The following VWA7 variants were observed in gnomAD, a reference collection of about 807,000 sequenced individuals.
The protein encoded by VWA7 is von Willebrand factor A domain-containing protein 7.
Under a neutral mutation model 83.1 loss-of-function variants are expected in VWA7, and 66 were observed. The ratio of observed to expected loss-of-function variants is 0.79; its 90% CI spans 0.65 to 0.98. The LOEUF (loss-of-function observed/expected upper bound fraction) is 0.98, where lower values mean the gene tolerates loss of function less well. Ranked by LOEUF, VWA7 falls within the 50% of genes least tolerant of loss-of-function variation. The probability of loss-of-function intolerance (pLI) is 0.00; values close to 1 mark genes in which losing one functional copy is unlikely to be tolerated. For missense variants in VWA7, 1,080 were observed against 1,160.2 expected, an observed-to-expected ratio of 0.93 and a Z score of 1.00; for synonymous variants, 424 against 488.5, an observed-to-expected ratio of 0.87 and a Z score of 1.74.
rs770242653 is a variant in VWA7 at position 31,765,959 on chromosome 6, G to C, written c.2423C>G (p.Ala808Gly). 5 of 1,613,112 alleles carry C rather than the reference G, an allele frequency of 3.1e-6. No individual in the cohort carries two copies. Among genetic ancestry groups the C allele is most frequent in the Non-Finnish European group, 3.4e-6 (4 of 1,180,036 alleles). Residue 808 changes from alanine to glycine, a missense_variant, in exon 16 of 17, where the codon GCA becomes GGA. Ala to Gly is a moderately conservative substitution (Grantham distance 60). Transcript: ENST00000375688. The part of the protein sequence containing the change: ...PDSVVMVTVT[A>G]GGREANPVPP... ...TACTGGGTTGGCTTCTCGTCCCCCT[G>C]CAGTCACAGTCACCATCACCACGGA...
chr6:31,767,484 C>A lies in VWA7; in HGVS notation c.1667G>T (p.Gly556Val). The stretch of plus-strand genomic sequence containing the variant: ...AAAGCGGCGAGTGTGACCTAGAGGA[C>A]CCCCGCCTTCCTCCTGGCCCTGGGA... The part of the protein sequence containing the change: ...GVSQGQEEGG[G>V]PLGHTRRFGQ... Residue 556 changes from glycine (G) to valine (V), a missense_variant, in exon 12 of 17, where the codon GGT becomes GTT. Gly to Val is a moderately radical substitution (Grantham distance 109). Transcript: ENST00000375688. 2 of 1,611,542 alleles carry A rather than the reference C, an allele frequency of 1.2e-6. No homozygotes were observed. The highest frequency in any genetic ancestry group is 8.5e-7 in the Non-Finnish European group (1 of 1,178,584).
In VWA7 at chr6:31,768,139, CAAAAAA is replaced by C. The variant is rs9279412; in HGVS notation, c.1504-391_1504-386del. Among the ~76,000 whole-genome samples, 14 of 77,100 alleles carry C rather than the reference CAAAAAA, an allele frequency of 1.8e-4. No homozygotes were observed. In the East Asian group the frequency reaches 5.3e-3, roughly 29 times the overall value. The allele number at this position is 77,100 out of a possible 152,430, so 50.6% of individuals were successfully genotyped here. On this transcript the variant is annotated intron_variant, in intron 10 of 16. Coordinates refer to ENST00000375688, the MANE Select transcript of VWA7 (RefSeq NM_025258.3). ...TGGGCGACAGTGCAAGACTCTGTCTCAAAAAAAAAAAAAAAAAAAAAAAGAAAGAAA... is the reference window on the plus strand; with the variant it reads ...TGGGCGACAGTGCAAGACTCTGTCTCAAAAAAAAAAAAAAAAAGAAAGAAA...
Position 31,765,948 on chromosome 6 carries a change from C to A in VWA7, c.2434G>T (p.Glu812Ter), listed in dbSNP as rs757923474. ...VMVTVTAGGR[E>*]ANPVPPTHAF... ...TGAGTCGGGGGTACTGGGTTGGCTT[C>A]TCGTCCCCCTGCAGTCACAGTCACC... Residue 812 changes from glutamate to a stop codon, truncating the protein, a stop_gained, in exon 16 of 17, where the codon GAA (glutamate) becomes TAA (stop). Transcript: ENST00000375688. LOFTEE classifies it high-confidence loss of function. The A allele has an allele frequency of 6.2e-7, 1 of 1,613,100 alleles. No homozygotes were observed. Among genetic ancestry groups the A allele is most frequent in the Admixed American group, 1.7e-5 (1 of 60,022 alleles).
At chr6:31,768,933 G>C (rs1811895261) in intron 10 of VWA7, 85 bp downstream of exon 10, 3 of 1,383,996 alleles carry the variant, frequency 2.2e-6, no homozygotes, top group Non-Finnish European at 2.9e-6. Context: ...ACAGCAGTGA[G>C]AGTGATTCCC....
chr6:31,770,042 C>A lies in VWA7; in HGVS notation c.1159G>T (p.Gly387Trp), dbSNP rs139629177. The change falls in exon 8 of 17, where the codon GGG becomes TGG. Residue 387 changes from glycine (G) to tryptophan (W), a missense_variant. Transcript: ENST00000375688. ...CACATCTCAGGCTCGTCTCCACCCC[C>A]CAAGGCATGGATCTCATTAAGCTGT... ...WQQLNEIHALGGGDEPEMCLS... is the reference protein window; with the variant it reads ...WQQLNEIHALWGGDEPEMCLS... 1.5e-4 allele frequency: 238 copies of A among 1,612,880 alleles called. 1 individual carries two copies. The highest frequency in any genetic ancestry group is 1.1e-3 in the African/African-American group (81 of 74,958).
chr6:31,774,418 G>A, intron 5 of VWA7, 98 bp downstream of exon 5: 1 of 1,151,678 alleles, frequency 8.7e-7, no homozygotes, highest in Non-Finnish European at 1.2e-6. Context: ...CCTCCTAGGA[G>A]GAGATGCCAT....
Position 31,774,563 on chromosome 6 carries a change from G to A in VWA7, c.674C>T (p.Thr225Ile), listed in dbSNP as rs1812510639. Residue 225 changes from threonine to isoleucine, a missense_variant, in exon 5 of 17, where the codon ACA (threonine) becomes ATA (isoleucine). Coordinates refer to ENST00000375688, the MANE Select transcript of VWA7 (RefSeq NM_025258.3). ...LSCPRNWLGF[T>I]LLTSGYFGTH... ...TCCAAAGTAGCCAGAGGTGAGGAGTGTGAAGCCCAGCCAATTCCTGGGGCA... is the reference window on the plus strand; with the variant it reads ...TCCAAAGTAGCCAGAGGTGAGGAGTATGAAGCCCAGCCAATTCCTGGGGCA... The A allele has an allele frequency of 1.9e-6, 3 of 1,612,802 alleles. No individual in the cohort carries two copies. The African/African-American group carries it at 4.0e-5, about 22-fold the overall frequency.
rs1025437861 is a variant in VWA7 at position 31,767,743 on chromosome 6, G to A, written c.1515C>T (p.Pro505=). 1.9e-6 allele frequency: 3 copies of A among 1,606,570 alleles called. No individual in the cohort carries two copies. Among genetic ancestry groups the A allele is most frequent in the African/African-American group, 2.7e-5 (2 of 74,764 alleles). Reference sequence around the variant, plus strand: ...CAGGCACCACAACAGGAGGGTCCAGGGGAAGAGTCACCTTGAGGGATTGGC... The same window carrying A: ...CAGGCACCACAACAGGAGGGTCCAGAGGAAGAGTCACCTTGAGGGATTGGC... ...GESMAALVTL[P]LDPPVVVPGQ... Residue 505 remains proline, a synonymous_variant, in exon 11 of 17, where the codon CCC becomes CCT. Transcript: ENST00000375688.
At chr6:31,772,595 T>C (rs1361742656) in intron 7 of VWA7, among the ~76,000 whole-genome samples, 1 of 130,936 alleles carries the variant, frequency 7.6e-6, no homozygotes, top group Admixed American at 7.7e-5. Flanking sequence ...TTTTTTTTTT[T>C]TTTTTTTTTT....
At position 31,773,752 on chromosome 6, in the gene VWA7, A is replaced by G. The variant is rs943185812; in HGVS notation, c.722-315T>C. Among the ~76,000 whole-genome samples, 5 of 151,942 alleles carry G rather than the reference A, an allele frequency of 3.3e-5. No individual in the cohort carries two copies. Among genetic ancestry groups the G allele is most frequent in the Non-Finnish European group, 7.4e-5 (5 of 68,004 alleles). On this transcript the variant is annotated intron_variant, in intron 5 of 16. Transcript: ENST00000375688. This position sits in a 1 kb window ranked among gnomAD's most constrained non-coding sequence, Gnocchi z 5.3. ...ATCCCAGCTACTTAGGAGGCTGAGG[A>G]AGGAAAATAGCTTGATCCCAAGAGG...
In VWA7 at chr6:31,773,485, C is replaced by T. The variant is rs1367174949; in HGVS notation, c.722-48G>A. On this transcript the variant is annotated intron_variant, in intron 5 of 16. Transcript: ENST00000375688. This position sits in a 1 kb window ranked among gnomAD's most constrained non-coding sequence, Gnocchi z 5.3. ...GAGAGTGGAGGTCAAAAACCCACTG[C>T]CTCCTAAGAAAATGAGGCCCTTTCA... 6.7e-7 allele frequency: 1 copy of T among 1,482,042 alleles called. No homozygotes were observed. The highest frequency in any genetic ancestry group is 9.0e-7 in the Non-Finnish European group (1 of 1,111,354). The allele number at this position is 1,482,042 out of a possible 1,614,324, so 91.8% of individuals were successfully genotyped here. A position where few individuals can be genotyped will look rare whatever the true frequency, so the allele number is the denominator to read the frequency against.
chr6:31,774,548 C>T lies in VWA7; in HGVS notation c.689G>A (p.Gly230Asp), dbSNP rs1464241749. 3 of 1,612,676 alleles carry T rather than the reference C, an allele frequency of 1.9e-6. No homozygotes were observed. The highest frequency in any genetic ancestry group is 2.5e-6 in the Non-Finnish European group (3 of 1,179,962). Residue 230 changes from glycine to aspartate, a missense_variant, in exon 5 of 17, where the codon GGC becomes GAC. Transcript: ENST00000375688. ...NWLGFTLLTS[G>D]YFGTHPPKPP... ...TTTCGGGGGATGAGTTCCAAAGTAG[C>T]CAGAGGTGAGGAGTGTGAAGCCCAG... is the stretch of plus-strand genomic sequence containing the variant.
Position 31,766,470 on chromosome 6 carries a change from A to AG in VWA7, c.2176dup (p.Leu726ProfsTer5). On this transcript the variant is annotated frameshift_variant, in exon 14 of 17. Coordinates refer to ENST00000375688, the MANE Select transcript of VWA7 (RefSeq NM_025258.3). LOFTEE classifies it high-confidence loss of function. This position sits in a 1 kb window ranked among gnomAD's most constrained non-coding sequence, Gnocchi z 4.9. ...TTTCCCCTGGCGTCTCACCTCCAGA[A>AG]GGACAGGGACTACAGTGCTAGGCTG... is the stretch of plus-strand genomic sequence containing the variant. 6.3e-7 allele frequency: 1 copy of AG among 1,595,498 alleles called. No homozygotes were observed. The highest frequency in any genetic ancestry group is 2.3e-5 in the East Asian group (1 of 44,338).
chr6:31,767,428 G>A lies in VWA7; in HGVS notation c.1723C>T (p.Pro575Ser), dbSNP rs763457850. ...GQFWMVTMDD[P>S]PQTGTWEIQV... ...ATCTCCCAGGTTCCTGTCTGTGGAGGGTCATCCATGGTCACCATCCAGAAC... is the reference window on the plus strand; with the variant it reads ...ATCTCCCAGGTTCCTGTCTGTGGAGAGTCATCCATGGTCACCATCCAGAAC... Residue 575 changes from proline to serine, a missense_variant, in exon 12 of 17, where the codon CCT (proline) becomes TCT (serine). Physicochemically the swap from Pro to Ser is moderately conservative, Grantham distance 74 (BLOSUM62 -1). Transcript: ENST00000375688. 1 of 1,613,050 alleles carries A rather than the reference G, an allele frequency of 6.2e-7. No individual in the cohort carries two copies. Among genetic ancestry groups the A allele is most frequent in the Non-Finnish European group, 8.5e-7 (1 of 1,179,958 alleles).
chr6:31,771,109 CTAAA>C (rs1812143831), intron 7 of VWA7, among the ~76,000 whole-genome samples: 1 of 151,166 alleles, frequency 6.6e-6, no homozygotes, highest in Admixed American at 6.6e-5. Context: ...ATTGGGAGGA[CTAAA>C]TGAGTTGATT....
intron 7 of VWA7, among the ~76,000 whole-genome samples, chr6:31,770,405 G>A (rs1812060148): frequency 6.6e-6 from 1 of 151,026 alleles, no homozygotes; most frequent in Admixed American, 6.6e-5. Context: ...GCTGGGCATG[G>A]TGATGCATGC....
rs1387359649 is a variant in VWA7, at chr6:31,776,155, ACACCT to A, written c.317_321del (p.Glu106ValfsTer16). ...AAGTCCTGGGCTGCATTGGCACGAG[ACACCT>A]CACCTAAGGCTGCTCGGAACCGCCG... is the stretch of plus-strand genomic sequence containing the variant. On this transcript the variant is annotated frameshift_variant, in exon 3 of 17. Coordinates refer to ENST00000375688, the MANE Select transcript of VWA7 (RefSeq NM_025258.3). LOFTEE classifies it high-confidence loss of function. This position sits in a 1 kb window ranked among gnomAD's most constrained non-coding sequence, Gnocchi z 6.2. 14 of 1,613,984 alleles carry A rather than the reference ACACCT, an allele frequency of 8.7e-6. No individual in the cohort carries two copies. Among genetic ancestry groups the A allele is most frequent in the Non-Finnish European group, 1.2e-5 (14 of 1,180,012 alleles).
chr6:31,774,848 C>G (rs534239431), intron 4 of VWA7, among the ~76,000 whole-genome samples: 27 of 152,188 alleles, frequency 1.8e-4, no homozygotes, highest in African/African-American at 6.3e-4. Flanking sequence ...AGGCTGGGTG[C>G]GGTGGCTCAC....
At position 31,776,644 on chromosome 6, in the gene VWA7, G is replaced by C; in HGVS notation, c.136C>G (p.Gln46Glu). 1 of 1,548,100 alleles carries C rather than the reference G, an allele frequency of 6.5e-7. No individual in the cohort carries two copies. The highest frequency in any genetic ancestry group is 1.2e-5 in the South Asian group (1 of 83,860). The part of the protein sequence containing the change: ...LLAAPGSITH[Q>E]DLTEEAALNV... ...AGCGCTGCCTCCTCAGTTAGGTCTT[G>C]GTGGGTGATGGAGCCAGGGGCAGCC... Residue 46 changes from glutamine to glutamate, a missense_variant, in exon 2 of 17, where the codon CAA becomes GAA. Gln to Glu is a conservative substitution (Grantham distance 29). Coordinates refer to ENST00000375688, the MANE Select transcript of VWA7 (RefSeq NM_025258.3). This position sits in a 1 kb window ranked among gnomAD's most constrained non-coding sequence, Gnocchi z 6.2.
Sources: allele counts gnomAD v4.1 joint callset (sites outside exome capture counted in the v4.1 genomes callset), GRCh38; gene constraint gnomAD v4.1.1; non-coding constraint Gnocchi (gnomAD v3.1); transcripts MANE v1.5; gene names NCBI Gene and HGNC (gene_info 2026-07-23, HGNC 2026-07-21).